MYH6: variants seen among roughly 807,000 people sequenced by gnomAD.
The protein encoded by MYH6 is myosin heavy chain 6.
Under a neutral mutation model 223.2 loss-of-function variants are expected in MYH6, and 126 were observed. The ratio of observed to expected loss-of-function variants is 0.56; its 90% CI spans 0.49 to 0.65. The LOEUF (loss-of-function observed/expected upper bound fraction) is 0.65. MYH6 is among the 30% of genes least tolerant of loss of function. The pLI is 0.00. For missense variants in MYH6, 2,040 were observed against 2,536.4 expected (o/e 0.80, Z 4.20); for synonymous variants, 978 against 1,010.2 (o/e 0.97, Z 0.61).
In MYH6 at chr14:23,405,198, A is replaced by C. The variant is rs954410681; in HGVS notation, c.502+25T>G. On this transcript the variant is annotated intron_variant, in intron 5 of 38. Transcript: ENST00000405093. This position sits in a 1 kb window ranked among gnomAD's most constrained non-coding sequence, Gnocchi z 4.7. Reference sequence around the variant, plus strand: ...TGGGTGGGTGTCTGGGAGGAGGAGCAGAGACCAGGGGCCACCAGGCTCACC... The same window carrying C: ...TGGGTGGGTGTCTGGGAGGAGGAGCCGAGACCAGGGGCCACCAGGCTCACC... 9 of 1,613,896 alleles carry C rather than the reference A, an allele frequency of 5.6e-6. No homozygotes were observed. Among genetic ancestry groups the C allele is most frequent in the Non-Finnish European group, 7.6e-6 (9 of 1,180,038 alleles).
chr14:23,385,373 C>T (rs1267877365), intron 34 of MYH6, among the ~76,000 whole-genome samples: 1 of 150,972 alleles, frequency 6.6e-6, no homozygotes, highest in African/African-American at 2.4e-5. Flanking sequence ...GGACAATATT[C>T]CAGAGATGTT....
chr14:23,392,728 A>G (rs1891271399), intron 24 of MYH6, 76 bp from the exon 25 acceptor site: 3 of 1,454,110 alleles, frequency 2.1e-6, no homozygotes, highest in African/African-American at 1.4e-5. Context: ...TCTTGGCCTT[A>G]GTATGCCAGA....
intron 6 of MYH6, 117 bp downstream of exon 6, chr14:23,404,983 C>T: frequency 6.5e-7 from 1 of 1,540,718 alleles, no homozygotes; most frequent in Non-Finnish European, 8.9e-7. Context: ...AATGAGAGCT[C>T]AGTGCCCCAT....
chr14:23,383,322 TGGGGGTGG>T lies in MYH6; in HGVS notation c.5566-10_5566-3del. 4.6e-5 allele frequency: 3 copies of T among 65,384 alleles called. No individual in the cohort carries two copies. Among genetic ancestry groups the T allele is most frequent in the Non-Finnish European group, 6.6e-5 (2 of 30,286 alleles). The allele number at this position is 65,384 out of a possible 1,614,324, so 4.1% of individuals were successfully genotyped here. ...CAGGTTCTTTTTGTCTTCCTCTGTC[TGGGGGTGG>T]GAGGGTGGGAGAAGCTGGTTTGGAG... On this transcript the variant is annotated splice_region_variant and splice_polypyrimidine_tract_variant and intron_variant, in intron 36 of 38. Transcript: ENST00000405093.
chr14:23,382,398 T>C (rs1393660703), intron 38 of MYH6, 30 bp downstream of exon 38: 1 of 1,613,664 alleles, frequency 6.2e-7, no homozygotes, highest in South Asian at 1.1e-5. Flanking sequence ...AATGTGGAAG[T>C]GACTAGTGAA....
chr14:23,396,949 A>G lies in MYH6; in HGVS notation c.2168+14T>C. On this transcript the variant is annotated intron_variant, in intron 18 of 38. Transcript: ENST00000405093. Reference sequence around the variant, plus strand: ...CCCCCTGTTCTATGAGCTCTGGGGCACCCTCATACCCACCTCTGCCGGAAG... The same window carrying G: ...CCCCCTGTTCTATGAGCTCTGGGGCGCCCTCATACCCACCTCTGCCGGAAG... 1 of 1,612,312 alleles carries G rather than the reference A, an allele frequency of 6.2e-7. No individual in the cohort carries two copies. The highest frequency in any genetic ancestry group is 8.5e-7 in the Non-Finnish European group (1 of 1,179,920).
intron 35 of MYH6, 29 bp downstream of exon 35, chr14:23,384,887 G>A: frequency 6.2e-7 from 1 of 1,613,544 alleles, no homozygotes; most frequent in Non-Finnish European, 8.5e-7. Flanking sequence ...TCTGTCTTTA[G>A]GGGAGGCGGA....
At chr14:23,387,150 A>C (rs1891053409) in intron 32 of MYH6, among the ~76,000 whole-genome samples, 1 of 152,234 alleles carries the variant, frequency 6.6e-6, no homozygotes, top group Non-Finnish European at 1.5e-5. Context: ...ACAGATGAGA[A>C]AACTGAGGCA....
intron 20 of MYH6, among the ~76,000 whole-genome samples, chr14:23,395,481 C>T (rs1891364587): frequency 6.6e-6 from 1 of 151,934 alleles, no homozygotes; most frequent in African/African-American, 2.4e-5. Flanking sequence ...ATAAGAGTTT[C>T]TCTGTAGGAA....
In MYH6 at chr14:23,386,120, G is replaced by C. The variant is rs566793615; in HGVS notation, c.4971C>G (p.Ile1657Met). ...SLQSLLKDTQ[I>M]QLDDAVRAND... The stretch of plus-strand genomic sequence containing the variant: ...TGGCACGGACCGCATCGTCCAGCTG[G>C]ATCTGGGTGTCCTGAGCATCAGGAG... Residue 1657 changes from isoleucine (I) to methionine (M), a missense_variant, in exon 34 of 39, where the codon ATC becomes ATG. Transcript: ENST00000405093. 6.2e-7 allele frequency: 1 copy of C among 1,614,224 alleles called. No individual in the cohort carries two copies. The highest frequency in any genetic ancestry group is 2.2e-5 in the East Asian group (1 of 44,892).
Position 23,397,949 on chromosome 14 carries a change from C to CTTCTTCTTCTTCTTCTTT in MYH6, c.1892-337_1892-336insAAAGAAGAAGAAGAAGAA, listed in dbSNP as rs773151161. Among the ~76,000 whole-genome samples the CTTCTTCTTCTTCTTCTTT allele has an allele frequency of 8.9e-3, 704 of 78,948 alleles. 19 individuals are homozygous for CTTCTTCTTCTTCTTCTTT. The highest frequency in any genetic ancestry group is 0.011 in the African/African-American group (196 of 17,482). The allele number at this position is 78,948 out of a possible 152,430, so 51.8% of individuals were successfully genotyped here. ...TCCTCCTCCTCTTCTTCTTCTTCTT[C>CTTCTTCTTCTTCTTCTTT]TTCTTCTTCTTCTTCTTCTTCTTCT... On this transcript the variant is annotated intron_variant, in intron 15 of 38. Transcript: ENST00000405093.
intron 10 of MYH6, among the ~76,000 whole-genome samples, chr14:23,403,044 G>T (rs943831169): frequency 1.3e-5 from 2 of 152,032 alleles, no homozygotes; most frequent in African/African-American, 2.4e-5. Context: ...AGGGAGGGTG[G>T]CAGGGGAGTG....
intron 29 of MYH6, 177 bp downstream of exon 29, chr14:23,388,682 G>A: frequency 1.8e-6 from 2 of 1,089,968 alleles, no homozygotes; most frequent in South Asian, 1.3e-5. Flanking sequence ...AGTGGGTCAG[G>A]GCCAGCCAGA....
At chr14:23,398,452 G>A (rs2138608541) in intron 15 of MYH6, among the ~76,000 whole-genome samples, 1 of 152,322 alleles carries the variant, frequency 6.6e-6, no homozygotes, top group South Asian at 2.1e-4. Context: ...TCCCTGCTGG[G>A]CATGGTACAG....
intron 1 of MYH6, 86 bp downstream of exon 1, chr14:23,408,167 G>T (rs1891844240): frequency 1.1e-6 from 1 of 920,942 alleles, no homozygotes; most frequent in Non-Finnish European, 1.3e-6. Context: ...CAACTGACCT[G>T]CACCCCACTC....
intron 12 of MYH6, 145 bp downstream of exon 12, chr14:23,402,319 C>T (rs1891626214): frequency 3.1e-6 from 4 of 1,269,934 alleles, no homozygotes; most frequent in African/African-American, 3.0e-5. Flanking sequence ...TCTCTGTCTG[C>T]CCACGTCTCC....
chr14:23,383,109 T>C, intron 37 of MYH6, 116 bp downstream of exon 37: 1 of 964,964 alleles, frequency 1.0e-6, no homozygotes, highest in Admixed American at 1.9e-5. Flanking sequence ...AAACAAATGT[T>C]TGAGAGTTAA....
chr14:23,404,067 C>T (rs73587606), intron 8 of MYH6, among the ~76,000 whole-genome samples: 1,860 of 152,320 alleles, frequency 0.012, 38 homozygotes, highest in African/African-American at 0.042. Context: ...GGATATTAGT[C>T]CCCCTGTTTC....
Position 23,397,429 on chromosome 14 carries a change from G to A in MYH6, c.1962+114C>T, listed in dbSNP as rs894625793. On this transcript the variant is annotated intron_variant, in intron 16 of 38. Transcript: ENST00000405093. ...AATCTACACACTAAAAAACGACTAC[G>A]TAGCCCTAGCTTCTTTCCTCATCAA... is the stretch of plus-strand genomic sequence containing the variant. The A allele has an allele frequency of 3.5e-5, 48 of 1,375,194 alleles. 1 individual carries two copies. In the Middle Eastern group the frequency reaches 1.4e-3, roughly 39 times the overall value. 85.2% of individuals were successfully genotyped at this position (1,375,194 alleles called of 1,614,324 possible).
Sources: allele counts gnomAD v4.1 joint callset (sites outside exome capture counted in the v4.1 genomes callset), GRCh38; gene constraint gnomAD v4.1.1; non-coding constraint Gnocchi (gnomAD v3.1); transcripts MANE v1.5; gene names NCBI Gene and HGNC (gene_info 2026-07-23, HGNC 2026-07-21).